The following NFIC variants were observed in gnomAD, a reference collection of about 807,000 sequenced individuals.
NFIC encodes the protein nuclear factor 1 C-type.
Under a neutral mutation model 54.4 loss-of-function variants are expected in NFIC, and 12 were observed. The observed-to-expected ratio is 0.22, with a 90% confidence interval of 0.14 to 0.36. The LOEUF (loss-of-function observed/expected upper bound fraction) is 0.36, where lower values mean the gene tolerates loss of function less well. Among genes scored for constraint, NFIC ranks in the 10% least tolerant of loss-of-function variants. NFIC has a pLI of 1.00. For synonymous variants in NFIC, 322 were observed against 319.2 expected (o/e 1.01, Z -0.09); for missense variants, 575 against 718.2 (o/e 0.80, Z 2.28).
chr19:3,426,468 C>A (rs2082029218), intron 3 of NFIC, among the ~76,000 whole-genome samples: 1 of 152,140 alleles, frequency 6.6e-6, no homozygotes, highest in African/African-American at 2.4e-5. Flanking sequence ...TAGACCAGAG[C>A]AGTCACTTCC....
intron 10 of NFIC, among the ~76,000 whole-genome samples, chr19:3,457,690 G>T (rs546258415): frequency 6.6e-6 from 1 of 152,298 alleles, no homozygotes; most frequent in Admixed American, 6.5e-5. Context: ...CAGGGGCCGT[G>T]TTCAAATCTT....
intron 2 of NFIC, among the ~76,000 whole-genome samples, chr19:3,413,464 T>C (rs1444074348): frequency 6.6e-6 from 1 of 152,142 alleles, no homozygotes; most frequent in African/African-American, 2.4e-5. Flanking sequence ...GCTGGTGTTC[T>C]GTGAGTTTGA....
chr19:3,443,286 G>A (rs1380252681), intron 6 of NFIC, among the ~76,000 whole-genome samples: 2 of 152,136 alleles, frequency 1.3e-5, no homozygotes, highest in African/African-American at 4.8e-5. Flanking sequence ...GCTGCATGTG[G>A]TGGCGTGTGC....
intron 2 of NFIC, among the ~76,000 whole-genome samples, chr19:3,411,653 A>G (rs1183511121): frequency 1.3e-5 from 2 of 152,032 alleles, no homozygotes; most frequent in African/African-American, 2.4e-5. Context: ...GAAAAGTCCT[A>G]CGTTGTCCTG....
rs113740506 is a variant in NFIC, at chr19:3,431,107, C to T, written c.635-2411C>T. Among the ~76,000 whole-genome samples, 20 of 151,960 alleles carry T rather than the reference C, an allele frequency of 1.3e-4. 4 individuals are homozygous for T. Among genetic ancestry groups the T allele is most frequent in the African/African-American group, 4.3e-4 (18 of 41,458 alleles). On this transcript the variant is annotated intron_variant, in intron 3 of 10. Coordinates refer to ENST00000443272, the MANE Select transcript of NFIC (RefSeq NM_001245002.2). ...ATTTACTGGTTTTGAGATGAAGTCTCACTCTGATGCCCAGGCTGGAGTGCA... is the reference window on the plus strand; with the variant it reads ...ATTTACTGGTTTTGAGATGAAGTCTTACTCTGATGCCCAGGCTGGAGTGCA...
At chr19:3,404,849 G>A (rs1339550561) in intron 2 of NFIC, among the ~76,000 whole-genome samples, 1 of 152,182 alleles carries the variant, frequency 6.6e-6, no homozygotes, top group Non-Finnish European at 1.5e-5. Context: ...CAGACCCGCT[G>A]CCCAGGCCGG....
Position 3,459,260 on chromosome 19 carries a change from A to G in NFIC, c.1509+2625A>G, listed in dbSNP as rs962638223. Among the ~76,000 whole-genome samples the G allele has an allele frequency of 5.1e-4, 46 of 90,360 alleles. No homozygotes were observed. The highest frequency in any genetic ancestry group is 2.0e-3 in the African/African-American group (45 of 22,592). 59.3% of individuals were successfully genotyped at this position (90,360 alleles called of 152,430 possible). On this transcript the variant is annotated intron_variant, in intron 10 of 10. Transcript: ENST00000443272. This position sits in a 1 kb window ranked among gnomAD's most constrained non-coding sequence, Gnocchi z 4.2. ...CCAGTCCATGGACTCTCCCCCCATCAATATCCCTCCCCGTGATCTATGCTA... is the reference window on the plus strand; with the variant it reads ...CCAGTCCATGGACTCTCCCCCCATCGATATCCCTCCCCGTGATCTATGCTA...
chr19:3,413,198 C>T (rs746474972), intron 2 of NFIC, among the ~76,000 whole-genome samples: 7 of 152,238 alleles, frequency 4.6e-5, no homozygotes, highest in East Asian at 1.9e-4. Flanking sequence ...ATCTACTCAC[C>T]TCAGCCTCCT....
In NFIC at chr19:3,452,572, C is replaced by G. The variant is rs772596817; in HGVS notation, c.1175C>G (p.Thr392Arg). 6 of 1,613,908 alleles carry G rather than the reference C, an allele frequency of 3.7e-6. No homozygotes were observed. The highest frequency in any genetic ancestry group is 5.1e-6 in the Non-Finnish European group (6 of 1,180,008). The stretch of plus-strand genomic sequence containing the variant: ...ACGGCCTCCACCTACTTCCCCCACA[C>G]GGCCATCCGCTACCCACCTCATCTC... ...PQTASTYFPH[T>R]AIRYPPHLNP... Residue 392 changes from threonine to arginine, a missense_variant, in exon 8 of 11, where the codon ACG becomes AGG. By Grantham distance (71) the Thr-to-Arg change is moderately conservative (BLOSUM62 -1). Transcript: ENST00000443272. The surrounding 1 kb of genome is among the most constrained non-coding windows in gnomAD (Gnocchi z 5.3).
chr19:3,460,384 G>A (rs1201780538), intron 10 of NFIC, among the ~76,000 whole-genome samples: 3 of 152,146 alleles, frequency 2.0e-5, no homozygotes, highest in Non-Finnish European at 2.9e-5. Flanking sequence ...TGGTGACCTC[G>A]GGCAAGTTCC....
At chr19:3,396,997 T>C (rs542106251) in intron 2 of NFIC, among the ~76,000 whole-genome samples, 13 of 151,964 alleles carry the variant, frequency 8.6e-5, no homozygotes, top group African/African-American at 3.1e-4. Context: ...TCATGATCGG[T>C]TGTGTCATCT....
At chr19:3,456,130 G>GC (rs1179745122) in intron 9 of NFIC, among the ~76,000 whole-genome samples, 1 of 152,244 alleles carries the variant, frequency 6.6e-6, no homozygotes, top group African/African-American at 2.4e-5. Flanking sequence ...CCCTCCCTCT[G>GC]CCCTCTCCGG....
chr19:3,467,758 CATATATATATATATATATATAT>C lies in NFIC; in HGVS notation c.*4999_*5020del, dbSNP rs551667735. 5.7e-5 allele frequency: 4 copies of C among 69,650 alleles called. No individual in the cohort carries two copies. Among genetic ancestry groups the C allele is most frequent in the East Asian group, 1.5e-3 (2 of 1,306 alleles). 4.3% of individuals were successfully genotyped at this position (69,650 alleles called of 1,614,324 possible). A position where few individuals can be genotyped will look rare whatever the true frequency, so the allele number is the denominator to read the frequency against. The stretch of plus-strand genomic sequence containing the variant: ...ACCTCCAGTGTAGGGCTATACTATA[CATATATATATATATATATATAT>C]ATATATATAATTTTGGAATTTGTTT... On this transcript the variant is annotated 3_prime_UTR_variant, in exon 11 of 11. Coordinates refer to ENST00000443272, the MANE Select transcript of NFIC (RefSeq NM_001245002.2).
At chr19:3,439,689 ATTTTTTT>A (rs1182271188) in intron 6 of NFIC, among the ~76,000 whole-genome samples, 1 of 133,852 alleles carries the variant, frequency 7.5e-6, no homozygotes, top group Non-Finnish European at 1.6e-5. Context: ...CACTGGAAGA[ATTTTTTT>A]TTTTTTTTTT....
intron 1 of NFIC, among the ~76,000 whole-genome samples, chr19:3,371,978 TCTCTCTCTCC>T (rs2081024869): frequency 2.6e-4 from 26 of 99,886 alleles, no homozygotes; most frequent in South Asian, 1.0e-3. Context: ...CTTCTCTTTC[TCTCTCTCTCC>T]CTCTCTCTCC....
chr19:3,444,501 G>A (rs569468646), intron 6 of NFIC, among the ~76,000 whole-genome samples: 25 of 152,342 alleles, frequency 1.6e-4, no homozygotes, highest in African/African-American at 4.6e-4. Flanking sequence ...GACAGAGGAT[G>A]CTTGGAGGCG....
chr19:3,405,944 G>C (rs1404830641), intron 2 of NFIC, among the ~76,000 whole-genome samples: 3 of 151,800 alleles, frequency 2.0e-5, no homozygotes, highest in African/African-American at 4.8e-5. Flanking sequence ...TTGAAACAGA[G>C]TCCTCCTGCT....
intron 1 of NFIC, among the ~76,000 whole-genome samples, chr19:3,372,679 G>A (rs951114922): frequency 2.0e-5 from 3 of 147,258 alleles, no homozygotes. Flanking sequence ...GCTCTGGCCC[G>A]AGACTGTTTG....
rs200989821 is a variant in NFIC, at chr19:3,452,078, C to T, written c.1085-404C>T. Reference sequence around the variant, plus strand: ...GCAGTGAGCTGAGGTCATACCACTGCACTCCAGCCTGGGTGACTGTCTCAA... The same window carrying T: ...GCAGTGAGCTGAGGTCATACCACTGTACTCCAGCCTGGGTGACTGTCTCAA... On this transcript the variant is annotated intron_variant, in intron 7 of 10. Coordinates refer to ENST00000443272, the MANE Select transcript of NFIC (RefSeq NM_001245002.2). The surrounding 1 kb of genome is among the most constrained non-coding windows in gnomAD (Gnocchi z 5.3). Among the ~76,000 whole-genome samples, 13 of 146,696 alleles carry T rather than the reference C, an allele frequency of 8.9e-5. No homozygotes were observed. The East Asian group carries it at 2.4e-3, about 27-fold the overall frequency.
Sources: allele counts gnomAD v4.1 joint callset (sites outside exome capture counted in the v4.1 genomes callset), GRCh38; gene constraint gnomAD v4.1.1; non-coding constraint Gnocchi (gnomAD v3.1); transcripts MANE v1.5; gene names NCBI Gene and HGNC (gene_info 2026-07-23, HGNC 2026-07-21).